Variants in KCNMB2 observed in about 807,000 individuals in gnomAD.
KCNMB2 encodes potassium calcium-activated channel subfamily M regulatory beta subunit 2, also known as calcium-activated potassium channel subunit beta-2.
In KCNMB2, 9 loss-of-function variants were observed where a neutral mutation model predicts 24.5. The observed-to-expected ratio is 0.37, with a 90% CI of 0.22 to 0.64. The LOEUF is 0.64. Among genes scored for constraint, KCNMB2 ranks in the 30% least tolerant of loss-of-function variants. The pLI is 0.63. For missense variants in KCNMB2, 226 were observed against 284.3 expected, an observed-to-expected ratio of 0.79 and a Z score of 1.47; for synonymous variants, 109 against 104.4, an observed-to-expected ratio of 1.04 and a Z score of -0.27.
intron 1 of KCNMB2, among the ~76,000 whole-genome samples, chr3:178,769,983 C>T (rs964074234): frequency 5.9e-5 from 9 of 152,170 alleles, no homozygotes; most frequent in African/African-American, 2.4e-5. Context: ...ATAATTTATA[C>T]AATTTATTGT....
chr3:178,684,892 T>C (rs1721408005), intron 1 of KCNMB2, among the ~76,000 whole-genome samples: 1 of 152,216 alleles, frequency 6.6e-6, no homozygotes, highest in African/African-American at 2.4e-5. Flanking sequence ...ACTATCTCCA[T>C]ATATTCCATA....
At chr3:178,725,336 G>T (rs1443562377) in intron 1 of KCNMB2, among the ~76,000 whole-genome samples, 1 of 151,904 alleles carries the variant, frequency 6.6e-6, no homozygotes, top group Non-Finnish European at 1.5e-5. Flanking sequence ...CATAGTACTA[G>T]AAGTCTTAGC....
chr3:178,690,899 C>T (rs879522263), intron 1 of KCNMB2, among the ~76,000 whole-genome samples: 1 of 152,024 alleles, frequency 6.6e-6, no homozygotes, highest in Admixed American at 6.6e-5. Flanking sequence ...ATCTATAGGT[C>T]AATTAAGGCC....
chr3:178,597,254 G>A (rs1408385573), intron 1 of KCNMB2, among the ~76,000 whole-genome samples: 2 of 152,118 alleles, frequency 1.3e-5, no homozygotes. Flanking sequence ...AATTATGATT[G>A]TGGGGCACTC....
intron 1 of KCNMB2, among the ~76,000 whole-genome samples, chr3:178,802,429 C>T (rs190314360): frequency 1.4e-4 from 21 of 152,272 alleles, no homozygotes; most frequent in Admixed American, 1.2e-3. Flanking sequence ...TTCCCTGCCC[C>T]GTATCTCACT....
At chr3:178,566,694 T>C (rs375885952) in intron 1 of KCNMB2, among the ~76,000 whole-genome samples, 1 of 152,194 alleles carries the variant, frequency 6.6e-6, no homozygotes, top group African/African-American at 2.4e-5. Flanking sequence ...TCCCTTACTT[T>C]AAATTTAGAT....
chr3:178,842,323 G>C (rs1018971237), intron 4 of KCNMB2, among the ~76,000 whole-genome samples: 3 of 152,094 alleles, frequency 2.0e-5, no homozygotes, highest in Non-Finnish European at 4.4e-5. Flanking sequence ...CCTAGCTATG[G>C]CAAAAAGAAT....
chr3:178,630,133 C>A (rs1338349371), intron 1 of KCNMB2, among the ~76,000 whole-genome samples: 1 of 152,112 alleles, frequency 6.6e-6, no homozygotes, highest in Non-Finnish European at 1.5e-5. Flanking sequence ...AGTCCATTTC[C>A]CTGGCGCTTC....
intron 1 of KCNMB2, among the ~76,000 whole-genome samples, chr3:178,707,363 G>A (rs1010236832): frequency 2.0e-5 from 3 of 152,150 alleles, no homozygotes; most frequent in African/African-American, 7.2e-5. Context: ...GTCAGTATCT[G>A]CATGCCAGCA....
intron 1 of KCNMB2, among the ~76,000 whole-genome samples, chr3:178,708,043 A>G (rs1352445502): frequency 1.3e-5 from 2 of 152,170 alleles, no homozygotes; most frequent in Non-Finnish European, 2.9e-5. Flanking sequence ...TGATTCATGA[A>G]TTGCTATCTG....
chr3:178,790,175 G>T (rs530630463), intron 1 of KCNMB2, among the ~76,000 whole-genome samples: 1 of 152,090 alleles, frequency 6.6e-6, no homozygotes, highest in South Asian at 2.1e-4. Context: ...GGAACCTACT[G>T]CCTTGAAGGG....
intron 1 of KCNMB2, among the ~76,000 whole-genome samples, chr3:178,779,873 C>G (rs1458583864): frequency 6.6e-6 from 1 of 152,056 alleles, no homozygotes; most frequent in East Asian, 1.9e-4. Flanking sequence ...TCCTCATTAA[C>G]TAAGTTAAAT....
At chr3:178,758,085 CAA>C (rs1275204820) in intron 1 of KCNMB2, among the ~76,000 whole-genome samples, 1 of 71,962 alleles carries the variant, frequency 1.4e-5, no homozygotes, top group Non-Finnish European at 2.6e-5. Flanking sequence ...TATATATACA[CAA>C]GAGGATATAT....
chr3:178,822,443 G>A (rs1407241254), intron 2 of KCNMB2, among the ~76,000 whole-genome samples: 1 of 152,084 alleles, frequency 6.6e-6, no homozygotes, highest in Non-Finnish European at 1.5e-5. Flanking sequence ...TTCACCCCAC[G>A]CTGATATTTA....
At chr3:178,762,455 G>A (rs1711942329) in intron 1 of KCNMB2, among the ~76,000 whole-genome samples, 1 of 152,184 alleles carries the variant, frequency 6.6e-6, no homozygotes, top group South Asian at 2.1e-4. Context: ...ATATGAACAT[G>A]CAGGGCCTAT....
intron 2 of KCNMB2, among the ~76,000 whole-genome samples, chr3:178,823,282 G>A (rs891609940): frequency 1.3e-5 from 2 of 152,200 alleles, no homozygotes. Context: ...TAATCCAGAG[G>A]CATTGGGATT....
intron 1 of KCNMB2, among the ~76,000 whole-genome samples, chr3:178,673,395 T>C (rs529928854): frequency 3.0e-4 from 45 of 152,306 alleles, no homozygotes; most frequent in African/African-American, 1.0e-3. Context: ...CTTACGTCTC[T>C]GGTTTCTATT....
chr3:178,565,408 T>TGTCTAGA (rs1240249793), intron 1 of KCNMB2, among the ~76,000 whole-genome samples: 1 of 152,204 alleles, frequency 6.6e-6, no homozygotes, highest in Non-Finnish European at 1.5e-5. Flanking sequence ...GACGTTACAC[T>TGTCTAGA]GTCTAGAGTG....
intron 1 of KCNMB2, among the ~76,000 whole-genome samples, chr3:178,655,802 CT>C (rs1450342469): frequency 6.6e-6 from 1 of 152,190 alleles, no homozygotes; most frequent in Non-Finnish European, 1.5e-5. Context: ...TCCCCAAAGC[CT>C]GATGCATGAA....
Sources: gnomAD v4.1 joint callset for allele counts (sites outside exome capture counted in the v4.1 genomes callset) on GRCh38, gnomAD v4.1.1 for gene constraint, MANE v1.5 for transcripts, NCBI Gene and HGNC (gene_info 2026-07-23, HGNC 2026-07-21) for gene names.